Variants in ATP8B1 observed in about 807,000 individuals in gnomAD.
The protein encoded by ATP8B1 is ATPase phospholipid transporting 8B1, also known as phospholipid-transporting ATPase IC.
In ATP8B1, 80 loss-of-function variants were observed where a neutral mutation model predicts 149.9. The observed-to-expected ratio is 0.53, with a 90% CI of 0.45 to 0.64. The LOEUF (loss-of-function observed/expected upper bound fraction) is 0.64, where lower values mean the gene tolerates loss of function less well. Among genes scored for constraint, ATP8B1 ranks in the 30% least tolerant of loss-of-function variants. The pLI is 0.00. For missense variants in ATP8B1, 1,247 were observed against 1,552.6 expected, an observed-to-expected ratio of 0.80 and a Z score of 3.31; for synonymous variants, 536 against 562.8, an observed-to-expected ratio of 0.95 and a Z score of 0.67.
intron 1 of ATP8B1, among the ~76,000 whole-genome samples, chr18:57,739,698 GA>G (rs1462348749): frequency 4.6e-5 from 7 of 152,198 alleles, no homozygotes; most frequent in Admixed American, 3.3e-4. Flanking sequence ...ATGAAAGATT[GA>G]GGGCAATGAT....
chr18:57,798,845 C>T (rs2080544858), intron 1 of ATP8B1, among the ~76,000 whole-genome samples: 2 of 115,654 alleles, frequency 1.7e-5, no homozygotes, highest in Non-Finnish European at 3.9e-5. Flanking sequence ...AGATCGGAGA[C>T]TTAGAACCTT....
chr18:57,651,153 T>C (rs763902466), intron 26 of ATP8B1, among the ~76,000 whole-genome samples: 1 of 152,302 alleles, frequency 6.6e-6, no homozygotes, highest in South Asian at 2.1e-4. Context: ...GTTACCCACG[T>C]TGGAGTGCAG....
At chr18:57,752,027 G>A (rs941489397) in intron 1 of ATP8B1, among the ~76,000 whole-genome samples, 2 of 151,760 alleles carry the variant, frequency 1.3e-5, no homozygotes, top group Admixed American at 1.3e-4. Flanking sequence ...GCAACATGGC[G>A]AAACCCTATC....
intron 8 of ATP8B1, 81 bp from the exon 9 acceptor site, chr18:57,695,613 G>T: frequency 1.9e-6 from 2 of 1,027,072 alleles, no homozygotes; most frequent in East Asian, 2.4e-5. Flanking sequence ...AGTTACATTA[G>T]CCATACCTGG....
intron 21 of ATP8B1, 63 bp from the exon 22 acceptor site, chr18:57,661,525 C>T: frequency 1.3e-6 from 2 of 1,534,082 alleles, no homozygotes; most frequent in Non-Finnish European, 1.8e-6. Context: ...GTACCATTCC[C>T]AAGATTTAAA....
intron 14 of ATP8B1, 143 bp from the exon 15 acceptor site, chr18:57,684,335 C>CT: frequency 1.1e-6 from 1 of 892,466 alleles, no homozygotes; most frequent in Non-Finnish European, 1.7e-6. Flanking sequence ...TGTCAAGAGG[C>CT]TCACAACTGT....
chr18:57,755,900 C>A (rs539035452), intron 1 of ATP8B1, among the ~76,000 whole-genome samples: 2 of 152,202 alleles, frequency 1.3e-5, no homozygotes, highest in East Asian at 3.9e-4. Context: ...TGCACGCGCC[C>A]AGACACCAGG....
chr18:57,790,335 T>C (rs958923278), intron 1 of ATP8B1, among the ~76,000 whole-genome samples: 3 of 134,674 alleles, frequency 2.2e-5, no homozygotes, highest in African/African-American at 8.2e-5. Context: ...AACCAACCCA[T>C]TCCCCATATC....
chr18:57,753,416 T>C (rs2080042128), intron 1 of ATP8B1, among the ~76,000 whole-genome samples: 1 of 152,232 alleles, frequency 6.6e-6, no homozygotes, highest in South Asian at 2.1e-4. Context: ...GTTTGAAATC[T>C]TTCTAAATTA....
intron 1 of ATP8B1, among the ~76,000 whole-genome samples, chr18:57,750,981 G>A (rs961246001): frequency 8.5e-5 from 13 of 152,208 alleles, no homozygotes; most frequent in African/African-American, 1.9e-4. Context: ...TTAGCCGGGC[G>A]TGGTGGCGCA....
chr18:57,666,961 T>G, intron 20 of ATP8B1, 131 bp downstream of exon 20: 2 of 811,002 alleles, frequency 2.5e-6, no homozygotes, highest in South Asian at 2.9e-5. Flanking sequence ...TTGCCTCATT[T>G]AAACATGAGG....
At chr18:57,713,183 CTTTCTTTCTTTCT>C in intron 2 of ATP8B1, among the ~76,000 whole-genome samples, 1 of 94,476 alleles carries the variant, frequency 1.1e-5, no homozygotes, top group Admixed American at 1.1e-4. Context: ...TTCTTTCTTT[CTTTCTTTCTTTCT>C]TTCCTTCCTT....
In ATP8B1 at chr18:57,756,841, T is replaced by A. The variant is rs8087959; in HGVS notation, c.-25-25009A>T. ...CCCTTGTCGGTGATTGCATTTTGAT[T>A]TTATACTTTGGTCATGTGGTCAACG... On this transcript the variant is annotated intron_variant, in intron 1 of 27. Transcript: ENST00000648908. Among the ~76,000 whole-genome samples the A allele has an allele frequency of 2.2e-3, 337 of 152,312 alleles. 2 individuals carry two copies. Among genetic ancestry groups the A allele is most frequent in the African/African-American group, 7.9e-3 (329 of 41,566 alleles).
chr18:57,794,366 A>G (rs1346880276), intron 1 of ATP8B1, among the ~76,000 whole-genome samples: 1 of 151,502 alleles, frequency 6.6e-6, no homozygotes, highest in Non-Finnish European at 1.5e-5. Context: ...ACATTATTAT[A>G]GAGGTGGAAC....
At chr18:57,698,795 T>C (rs1194594940) in intron 6 of ATP8B1, among the ~76,000 whole-genome samples, 2 of 152,218 alleles carry the variant, frequency 1.3e-5, no homozygotes, top group East Asian at 3.9e-4. Context: ...CCCTAGGGCA[T>C]CATTTTCAGG....
intron 1 of ATP8B1, among the ~76,000 whole-genome samples, chr18:57,789,330 G>T (rs1433825829): frequency 2.0e-5 from 3 of 152,122 alleles, no homozygotes; most frequent in Non-Finnish European, 4.4e-5. Context: ...CTCGCCTTGT[G>T]AGTCTGGAAA....
In ATP8B1 at chr18:57,796,928, G is replaced by T. The variant is rs545917207; in HGVS notation, c.-26+6070C>A. Among the ~76,000 whole-genome samples the T allele has an allele frequency of 7.2e-5, 11 of 152,298 alleles. No homozygotes were observed. The East Asian group carries it at 1.9e-3, about 27-fold the overall frequency. ...GTCTTCCCAAAGTGCTGGGATTACA[G>T]GTGTTAGCTATGTTCTTATAGAAAA... On this transcript the variant is annotated intron_variant, in intron 1 of 27. Coordinates refer to ENST00000648908, the MANE Select transcript of ATP8B1 (RefSeq NM_001374385.1).
chr18:57,731,389 A>T, intron 2 of ATP8B1: 2 of 360,842 alleles, frequency 5.5e-6, no homozygotes, highest in Non-Finnish European at 5.2e-6. Flanking sequence ...ACACTAACAA[A>T]GACCTTAATG....
At chr18:57,791,577 C>T (rs986327421) in intron 1 of ATP8B1, among the ~76,000 whole-genome samples, 1 of 151,908 alleles carries the variant, frequency 6.6e-6, no homozygotes, top group Admixed American at 6.6e-5. Context: ...CTTCCGGCCT[C>T]AAGTTATCCC....
Sources: gnomAD v4.1 joint callset for allele counts (sites outside exome capture counted in the v4.1 genomes callset) on GRCh38, gnomAD v4.1.1 for gene constraint, MANE v1.5 for transcripts, NCBI Gene and HGNC (gene_info 2026-07-23, HGNC 2026-07-21) for gene names.